Variants in SMC3 observed in about 807,000 individuals in gnomAD.
SMC3 encodes the protein structural maintenance of chromosomes 3.
In SMC3, 20 loss-of-function variants were observed where a neutral mutation model predicts 171.8. The observed-to-expected ratio is 0.12, with a 90% CI of 0.08 to 0.17. The LOEUF is 0.17. SMC3 is among the 10% of genes least tolerant of loss of function. SMC3 has a pLI of 1.00. For missense variants in SMC3, 543 were observed against 1,420.4 expected (o/e 0.38, Z 9.93); for synonymous variants, 464 against 451.1 (o/e 1.03, Z -0.36).
Position 110,580,949 on chromosome 10 carries a change from T to G in SMC3, c.475T>G (p.Leu159Val), listed in dbSNP as rs1188423288. Reference sequence around the variant, plus strand: ...ACCAGATTCTCAGAGATTAAAGCTATTAAGAGAAGTAGCTGGTACTAGAGT... The same window carrying G: ...ACCAGATTCTCAGAGATTAAAGCTAGTAAGAGAAGTAGCTGGTACTAGAGT... The part of the protein sequence containing the change: ...TAPDSQRLKL[L>V]REVAGTRVYD... Residue 159 changes from leucine (L) to valine (V), a missense_variant, in exon 8 of 29, where the codon TTA becomes GTA. By Grantham distance (32) the Leu-to-Val change is conservative (BLOSUM62 1). Coordinates refer to ENST00000361804, the MANE Select transcript of SMC3 (RefSeq NM_005445.4). The G allele has an allele frequency of 6.2e-7, 1 of 1,611,306 alleles. No homozygotes were observed. Among genetic ancestry groups the G allele is most frequent in the African/African-American group, 1.3e-5 (1 of 74,872 alleles).
intron 1 of SMC3, 105 bp from the exon 2 acceptor site, chr10:110,568,833 C>A (rs1590546099): frequency 1.5e-6 from 1 of 655,648 alleles, no homozygotes; most frequent in Non-Finnish European, 2.7e-6. Flanking sequence ...TATGAAATTT[C>A]GAGTTTTCTA....
chr10:110,602,210 A>G, intron 25 of SMC3, 32 bp downstream of exon 25: 1 of 1,552,912 alleles, frequency 6.4e-7, no homozygotes, highest in African/African-American at 1.4e-5. Context: ...AAACATACAC[A>G]CAGAGGACAA....
At chr10:110,589,529 C>T (rs749502409) in intron 13 of SMC3, 76 bp from the exon 14 acceptor site, 6 of 966,150 alleles carry the variant, frequency 6.2e-6, no homozygotes, top group African/African-American at 1.6e-5. Context: ...CATCCATCTG[C>T]AACCACTGAT....
chr10:110,597,285 A>G (rs1194338547), intron 19 of SMC3, among the ~76,000 whole-genome samples: 2 of 151,466 alleles, frequency 1.3e-5, no homozygotes, highest in East Asian at 1.9e-4. Flanking sequence ...TTTTTTTTAC[A>G]TAAAAATGGT....
At chr10:110,572,983 G>A (rs1030327173) in intron 2 of SMC3, among the ~76,000 whole-genome samples, 1 of 152,072 alleles carries the variant, frequency 6.6e-6, no homozygotes, top group Non-Finnish European at 1.5e-5. Context: ...TCTGTCATAT[G>A]CGTTTTTTTA....
chr10:110,592,120 C>T (rs1316858670), intron 17 of SMC3, among the ~76,000 whole-genome samples: 3 of 152,040 alleles, frequency 2.0e-5, no homozygotes, highest in African/African-American at 4.8e-5. Flanking sequence ...AAAAAATTAG[C>T]TGGACATGGT....
chr10:110,600,861 G>A (rs1861375163), intron 22 of SMC3, among the ~76,000 whole-genome samples, 161 bp from the exon 23 acceptor site: 1 of 151,938 alleles, frequency 6.6e-6, no homozygotes, highest in East Asian at 1.9e-4. Flanking sequence ...TAGTAATTGT[G>A]TCTTTTTTTT....
rs1255602107 is a variant in SMC3 at position 110,589,060 on chromosome 10, G to C, written c.1306-545G>C. 4.0e-5 allele frequency among the ~76,000 whole-genome samples: 5 copies of C among 123,522 alleles called. No individual in the cohort carries two copies. In the East Asian group the frequency reaches 1.7e-3, roughly 43 times the overall value. 81.0% of individuals were successfully genotyped at this position (123,522 alleles called of 152,430 possible). A position where few individuals can be genotyped will look rare whatever the true frequency, so the allele number is the denominator to read the frequency against. ...AGTATTTAATGGTTTGTGTTTTCTGGTGTGGTATGCTCTTTTGCCTAAAGA... is the reference window on the plus strand; with the variant it reads ...AGTATTTAATGGTTTGTGTTTTCTGCTGTGGTATGCTCTTTTGCCTAAAGA... On this transcript the variant is annotated intron_variant, in intron 13 of 28. Transcript: ENST00000361804.
Position 110,596,569 on chromosome 10 carries a change from C to T in SMC3, c.2116+19C>T, listed in dbSNP as rs139665839. On this transcript the variant is annotated intron_variant, in intron 19 of 28. Transcript: ENST00000361804. ...ATTGAAAATATCTTTTTGTTTTGTGCATAGTGATAGATATTGTGGGGGAAG... is the reference window on the plus strand; with the variant it reads ...ATTGAAAATATCTTTTTGTTTTGTGTATAGTGATAGATATTGTGGGGGAAG... 2 of 1,609,566 alleles carry T rather than the reference C, an allele frequency of 1.2e-6. No homozygotes were observed. Among genetic ancestry groups the T allele is most frequent in the East Asian group, 2.2e-5 (1 of 44,816 alleles).
At position 110,583,984 on chromosome 10, in the gene SMC3, CTT is replaced by C. The variant is rs544062107; in HGVS notation, c.1091+24_1091+25del. On this transcript the variant is annotated intron_variant, in intron 12 of 28. Coordinates refer to ENST00000361804, the MANE Select transcript of SMC3 (RefSeq NM_005445.4). ...CTAGGTCTGAGAACTTTCACCAACA[CTT>C]TAACTTTCTACATCATATTATGTAA... The C allele has an allele frequency of 2.7e-4, 434 of 1,612,274 alleles. 4 individuals are homozygous for C. The South Asian group carries it at 4.6e-3, about 17-fold the overall frequency.
At chr10:110,589,248 AC>A (rs759045136) in intron 13 of SMC3, among the ~76,000 whole-genome samples, 22 of 152,178 alleles carry the variant, frequency 1.4e-4, no homozygotes, top group East Asian at 5.8e-4. Flanking sequence ...AACAAAAAAA[AC>A]AAACTGAAAT....
At position 110,591,023 on chromosome 10, in the gene SMC3, T is replaced by C; in HGVS notation, c.1703T>C (p.Val568Ala). The change falls in exon 17 of 29, where the codon GTC becomes GCC. Residue 568 changes from valine (V) to alanine (A), a missense_variant. Physicochemically the swap from Val to Ala is moderately conservative, Grantham distance 64. Coordinates refer to ENST00000361804, the MANE Select transcript of SMC3 (RefSeq NM_005445.4). ...TATCACATTGTTGATTCAGATGAAG[T>C]CAGCACGAAGATTTTAATGGAGTTT... ...LFYHIVDSDEVSTKILMEFNK... is the reference protein window; with the variant it reads ...LFYHIVDSDEASTKILMEFNK... 1 of 1,613,224 alleles carries C rather than the reference T, an allele frequency of 6.2e-7. No individual in the cohort carries two copies. The highest frequency in any genetic ancestry group is 8.5e-7 in the Non-Finnish European group (1 of 1,179,216).
In SMC3 at chr10:110,604,981, T is replaced by TTC. The variant is rs745739948; in HGVS notation, c.*683_*684dup. Among the ~76,000 whole-genome samples the TTC allele has an allele frequency of 6.6e-6, 1 of 152,224 alleles. No homozygotes were observed. Among genetic ancestry groups the TTC allele is most frequent in the African/African-American group, 2.4e-5 (1 of 41,464 alleles). On this transcript the variant is annotated 3_prime_UTR_variant, in exon 29 of 29. Coordinates refer to ENST00000361804, the MANE Select transcript of SMC3 (RefSeq NM_005445.4). ...TACATCTCCTCTAGTCTGTGACAAT[T>TTC]TCTCTGTCATTGTTTATCATATCTT...
chr10:110,601,195 G>A, intron 23 of SMC3, 65 bp downstream of exon 23: 2 of 1,140,864 alleles, frequency 1.8e-6, no homozygotes, highest in Non-Finnish European at 2.7e-6. Context: ...ACTACAGAAT[G>A]AAATGTCCAA....
In SMC3 at chr10:110,601,022, G is replaced by A; in HGVS notation, c.2536G>A (p.Glu846Lys). 6.2e-7 allele frequency: 1 copy of A among 1,609,298 alleles called. No homozygotes were observed. The highest frequency in any genetic ancestry group is 8.5e-7 in the Non-Finnish European group (1 of 1,176,014). ...ATGGAATTTGTATTTTTTGTTACAG[G>A]AACTTAATGAGCTGAGAGAGACAGA... The part of the protein sequence containing the change: ...LRKRLDQVEQ[E>K]LNELRETEGG... Residue 846 changes from glutamate to lysine, a missense_variant and splice_region_variant, in exon 23 of 29, where the codon GAA becomes AAA. Physicochemically the swap from Glu to Lys is moderately conservative, Grantham distance 56. This residue lies in a region of SMC3 where 33 missense variants were observed against 33.6 expected (regional missense o/e 0.98). Transcript: ENST00000361804.
rs561055403 is a variant in SMC3, at chr10:110,577,940, A to T, written c.350+26A>T. 2.3e-4 allele frequency: 344 copies of T among 1,478,118 alleles called. 3 individuals are homozygous for T. In the South Asian group the frequency reaches 3.6e-3, roughly 16 times the overall value. 91.6% of individuals were successfully genotyped at this position (1,478,118 alleles called of 1,614,324 possible). On this transcript the variant is annotated intron_variant, in intron 6 of 28. Coordinates refer to ENST00000361804, the MANE Select transcript of SMC3 (RefSeq NM_005445.4). ...GTAAGCATTTTTCTTTTTTTTAAAA[A>T]AACTGAATATGTACTTAAATAGAGA...
chr10:110,604,281 A>T lies in SMC3; in HGVS notation c.3633A>T (p.Glu1211Asp), dbSNP rs753487430. ...CAGAGATGGCCAAAGACTTTGTAGA[A>T]GATGATACCACACATGGTTAATTGG... ...ITAEMAKDFV[E>D]DDTTHG The change falls in exon 29 of 29, where the codon GAA becomes GAT. Residue 1211 changes from glutamate to aspartate, a missense_variant. Transcript: ENST00000361804. The T allele has an allele frequency of 6.2e-7, 1 of 1,609,506 alleles. No individual in the cohort carries two copies.
chr10:110,587,530 T>C (rs927596241), intron 13 of SMC3, among the ~76,000 whole-genome samples: 1 of 151,662 alleles, frequency 6.6e-6, no homozygotes, highest in Non-Finnish European at 1.5e-5. Flanking sequence ...CTAAAAAATA[T>C]AAAAAATTAG....
intron 3 of SMC3, among the ~76,000 whole-genome samples, chr10:110,575,106 A>C (rs935479455): frequency 6.6e-6 from 1 of 151,850 alleles, no homozygotes; most frequent in Admixed American, 6.6e-5. Context: ...TTATTTCCTT[A>C]CCTTAAATGT....
Sources: gnomAD v4.1 joint callset for allele counts (sites outside exome capture counted in the v4.1 genomes callset) on GRCh38, gnomAD v4.1.1 for gene constraint, gnomAD v4.1.1 regional missense constraint, MANE v1.5 for transcripts, NCBI Gene and HGNC (gene_info 2026-07-23, HGNC 2026-07-21) for gene names.